The following CFH variants were observed in gnomAD, a reference collection of about 807,000 sequenced individuals.
CFH encodes the protein complement factor H, also known as H factor 1 (complement).
Under a neutral mutation model 147.3 loss-of-function variants are expected in CFH, and 53 were observed. The observed-to-expected ratio is 0.36, with a 90% CI of 0.29 to 0.45. The LOEUF (loss-of-function observed/expected upper bound fraction) is 0.45, where lower values mean the gene tolerates loss of function less well. Ranked by LOEUF, CFH falls within the 20% of genes least tolerant of loss-of-function variation. CFH has a pLI of 1.00. For missense variants in CFH, 1,380 were observed against 1,498.0 expected (o/e 0.92, Z 1.30); for synonymous variants, 536 against 489.4 (o/e 1.10, Z -1.26).
intron 9 of CFH, among the ~76,000 whole-genome samples, chr1:196,705,667 C>A (rs1453835193): frequency 6.6e-6 from 1 of 152,144 alleles, no homozygotes; most frequent in Non-Finnish European, 1.5e-5. Context: ...CTTTTCAAAA[C>A]AGCTGGACAT....
intron 1 of CFH, among the ~76,000 whole-genome samples, chr1:196,671,543 T>G (rs1308272630): frequency 6.6e-6 from 1 of 150,766 alleles, no homozygotes; most frequent in African/African-American, 2.4e-5. Context: ...CTTGGGTTTT[T>G]AAAGTCAAGA....
intron 5 of CFH, 76 bp downstream of exon 5, chr1:196,677,743 G>A: frequency 7.4e-7 from 1 of 1,352,720 alleles, no homozygotes; most frequent in Non-Finnish European, 1.1e-6. Context: ...TTCATTCTAA[G>A]GAATATCAGC....
At chr1:196,715,525 A>G in intron 10 of CFH, 68 bp from the exon 11 acceptor site, 1 of 1,264,322 alleles carries the variant, frequency 7.9e-7, no homozygotes, top group East Asian at 2.3e-5. Flanking sequence ...TTCTTCTTAG[A>G]ATGGGAAATA....
At chr1:196,674,253 C>T (rs495222) in intron 3 of CFH, among the ~76,000 whole-genome samples, 8,411 of 152,152 alleles carry the variant, frequency 0.055, 752 homozygotes, top group African/African-American at 0.19. Context: ...TCACGACATT[C>T]TATTTTGTGC....
chr1:196,726,437 T>G (rs769760529), intron 12 of CFH, 33 bp from the exon 13 acceptor site: 6 of 1,504,018 alleles, frequency 4.0e-6, no homozygotes, highest in Non-Finnish European at 5.5e-6. Context: ...AACAGACAAT[T>G]TAACCATTAT....
chr1:196,680,928 G>C (rs980666269), intron 6 of CFH, among the ~76,000 whole-genome samples: 1 of 151,916 alleles, frequency 6.6e-6, no homozygotes, highest in East Asian at 1.9e-4. Flanking sequence ...ACTGTTAAGA[G>C]AATATTTTAG....
At chr1:196,682,504 T>G (rs1667690648) in intron 6 of CFH, among the ~76,000 whole-genome samples, 1 of 151,590 alleles carries the variant, frequency 6.6e-6, no homozygotes, top group Admixed American at 6.6e-5. Context: ...TTGTTCCATA[T>G]TATTTTATTG....
At chr1:196,722,628 A>G (rs1375595921) in intron 11 of CFH, among the ~76,000 whole-genome samples, 1 of 152,156 alleles carries the variant, frequency 6.6e-6, no homozygotes, top group East Asian at 1.9e-4. Context: ...AAGGATTTCT[A>G]TGTCTCTAGC....
chr1:196,686,595 A>G (rs1667838226), intron 7 of CFH, among the ~76,000 whole-genome samples: 1 of 152,156 alleles, frequency 6.6e-6, no homozygotes, highest in African/African-American at 2.4e-5. Flanking sequence ...CAAATGATTG[A>G]TTAATGACTT....
At chr1:196,703,040 G>A (rs1382304060) in intron 9 of CFH, among the ~76,000 whole-genome samples, 8 of 152,218 alleles carry the variant, frequency 5.3e-5, no homozygotes, top group Admixed American at 2.0e-4. Flanking sequence ...ACAAAACGTA[G>A]CTGAGGCATT....
chr1:196,739,909 T>C (rs528753424), intron 17 of CFH, among the ~76,000 whole-genome samples: 2 of 152,282 alleles, frequency 1.3e-5, no homozygotes, highest in South Asian at 4.1e-4. Flanking sequence ...TGTAATTGAC[T>C]CACAATTCCA....
chr1:196,726,962 C>G, intron 14 of CFH, 22 bp downstream of exon 14: 1 of 1,595,802 alleles, frequency 6.3e-7, no homozygotes, highest in Non-Finnish European at 8.6e-7. Flanking sequence ...CTTCTTAAAT[C>G]AACATTTAAC....
At chr1:196,729,809 A>G (rs1484582149) in intron 15 of CFH, among the ~76,000 whole-genome samples, 1 of 151,878 alleles carries the variant, frequency 6.6e-6, no homozygotes, top group Non-Finnish European at 1.5e-5. Flanking sequence ...CTCTGAATTA[A>G]TCGTCGTAGG....
Position 196,726,912 on chromosome 1 carries a change from AGT to A in CFH, c.2209_2210del (p.Val737MetfsTer12), listed in dbSNP as rs1669155655. ...GHRSITCIHG[V>X]WTQLPQCVAI... ...ACAGATCAATTACGTGTATTCATGG[AGT>A]ATGGACCCAACTTCCCCAGTGTGTG... On this transcript the variant is annotated frameshift_variant, in exon 14 of 22. Coordinates refer to ENST00000367429, the MANE Select transcript of CFH (RefSeq NM_000186.4). LOFTEE classifies it high-confidence loss of function. 1 of 1,613,554 alleles carries A rather than the reference AGT, an allele frequency of 6.2e-7. No homozygotes were observed. The highest frequency in any genetic ancestry group is 8.5e-7 in the Non-Finnish European group (1 of 1,179,700).
chr1:196,712,211 A>T (rs1024427224), intron 9 of CFH, among the ~76,000 whole-genome samples: 8 of 152,100 alleles, frequency 5.3e-5, no homozygotes, highest in African/African-American at 1.9e-4. Flanking sequence ...TATTTGTGGC[A>T]AGAACTCTGT....
At chr1:196,704,022 A>G (rs1668526427) in intron 9 of CFH, among the ~76,000 whole-genome samples, 1 of 148,538 alleles carries the variant, frequency 6.7e-6, no homozygotes, top group Admixed American at 6.7e-5. Flanking sequence ...GTTTTTCTAT[A>G]CATCCTTGAA....
At chr1:196,728,274 T>C (rs1210969209) in intron 14 of CFH, 72 bp from the exon 15 acceptor site, 6 of 1,053,040 alleles carry the variant, frequency 5.7e-6, no homozygotes, top group Non-Finnish European at 6.7e-6. Context: ...ATTTACTTTA[T>C]AACTATTTTT....
At chr1:196,703,743 G>A (rs1010006888) in intron 9 of CFH, among the ~76,000 whole-genome samples, 3 of 151,972 alleles carry the variant, frequency 2.0e-5, no homozygotes, top group African/African-American at 7.2e-5. Flanking sequence ...CCAGCACCTT[G>A]GGAGGCTGAG....
At chr1:196,668,639 A>C (rs1667176674) in intron 1 of CFH, among the ~76,000 whole-genome samples, 1 of 152,098 alleles carries the variant, frequency 6.6e-6, no homozygotes. Flanking sequence ...TTAATGGTTT[A>C]AGCATCTGGC....
Sources: allele counts gnomAD v4.1 joint callset (sites outside exome capture counted in the v4.1 genomes callset), GRCh38; gene constraint gnomAD v4.1.1; transcripts MANE v1.5; gene names NCBI Gene and HGNC (gene_info 2026-07-23, HGNC 2026-07-21).